Variants in SGCD observed in about 807,000 individuals in gnomAD.
SGCD encodes delta-sarcoglycan.
Under a neutral mutation model 36.6 loss-of-function variants are expected in SGCD, and 18 were observed. That is an observed-to-expected ratio of 0.49 (90% confidence interval 0.34 to 0.73). The LOEUF is 0.73. Ranked by LOEUF, SGCD falls within the 30% of genes least tolerant of loss-of-function variation. The pLI, the probability that SGCD is intolerant of heterozygous loss-of-function variation, is 0.01. For missense variants in SGCD, 387 were observed against 346.7 expected, an observed-to-expected ratio of 1.12 and a Z score of -0.92; for synonymous variants, 133 against 130.6, an observed-to-expected ratio of 1.02 and a Z score of -0.12.
intron 3 of SGCD, among the ~76,000 whole-genome samples, chr5:156,366,740 G>A (rs1401332110): frequency 1.3e-5 from 2 of 152,124 alleles, no homozygotes; most frequent in Non-Finnish European, 2.9e-5. Context: ...TTGAAAGCCA[G>A]ACAAAGTGAA....
At chr5:156,281,065 A>G (rs1351433789) in intron 3 of SGCD, among the ~76,000 whole-genome samples, 1 of 152,212 alleles carries the variant, frequency 6.6e-6, no homozygotes, top group Non-Finnish European at 1.5e-5. Context: ...GTGTACATAC[A>G]GAATTCGAGG....
intron 7 of SGCD, among the ~76,000 whole-genome samples, chr5:156,667,541 A>T (rs1753103195): frequency 6.6e-6 from 1 of 152,190 alleles, no homozygotes; most frequent in South Asian, 2.1e-4. Context: ...ATTACAGGAG[A>T]AGTAGAAAAC....
At chr5:156,132,757 C>T (rs545377475) in intron 3 of SGCD, among the ~76,000 whole-genome samples, 2 of 152,066 alleles carry the variant, frequency 1.3e-5, no homozygotes, top group East Asian at 1.9e-4. Flanking sequence ...CGTGAGCCAC[C>T]GCGCCCGGCC....
intron 1 of SGCD, among the ~76,000 whole-genome samples, chr5:156,051,818 A>G (rs1244491169): frequency 1.4e-5 from 2 of 145,972 alleles, no homozygotes; most frequent in East Asian, 3.9e-4. Context: ...GAAGGAGCCA[A>G]CCCTGTCTGT....
intron 1 of SGCD, among the ~76,000 whole-genome samples, chr5:156,016,778 A>G (rs968035439): frequency 6.6e-6 from 1 of 152,122 alleles, no homozygotes; most frequent in African/African-American, 2.4e-5. Flanking sequence ...TATGTACCAT[A>G]GCTTGTTCAA....
intron 1 of SGCD, among the ~76,000 whole-genome samples, chr5:155,934,725 A>T (rs1017531809): frequency 4.6e-5 from 7 of 152,274 alleles, no homozygotes; most frequent in Middle Eastern, 3.4e-3. Flanking sequence ...ATGATTTAGG[A>T]TGTCATAGCC....
intron 1 of SGCD, among the ~76,000 whole-genome samples, chr5:156,079,219 T>A (rs1428619781): frequency 6.6e-6 from 1 of 152,032 alleles, no homozygotes; most frequent in African/African-American, 2.4e-5. Flanking sequence ...TATTCACTGT[T>A]GTGAGGACAG....
At chr5:156,295,887 A>T (rs1766879897) in intron 3 of SGCD, among the ~76,000 whole-genome samples, 1 of 152,216 alleles carries the variant, frequency 6.6e-6, no homozygotes, top group Non-Finnish European at 1.5e-5. Context: ...GCAACTCAAC[A>T]AATCACATAA....
the SGCD span, among the ~76,000 whole-genome samples, chr5:155,802,345 C>T: frequency 6.6e-6 from 1 of 152,184 alleles, no homozygotes; most frequent in Non-Finnish European, 1.5e-5. Flanking sequence ...TGGCTCCAGT[C>T]TTCCTCCATA....
chr5:156,011,397 C>G (rs1758857635), intron 1 of SGCD, among the ~76,000 whole-genome samples: 3 of 151,550 alleles, frequency 2.0e-5, no homozygotes, highest in Admixed American at 1.3e-4. Flanking sequence ...GTTGGGTTTT[C>G]TAGACTTGGT....
At position 156,126,615 on chromosome 5, in the gene SGCD, C is replaced by T. The variant is rs560223037; in HGVS notation, c.-44+2596C>T. 2.0e-5 allele frequency among the ~76,000 whole-genome samples: 3 copies of T among 152,270 alleles called. No individual in the cohort carries two copies. In the East Asian group the frequency reaches 5.8e-4, roughly 29 times the overall value. ...TCCAGGGAAGAAGAAGGAAATGAGGCAGTGTTGGTACTATCAATCTGCCTA... is the reference window on the plus strand; with the variant it reads ...TCCAGGGAAGAAGAAGGAAATGAGGTAGTGTTGGTACTATCAATCTGCCTA... On this transcript the variant is annotated intron_variant, in intron 3 of 9. Transcript: ENST00000517913.
intron 3 of SGCD, among the ~76,000 whole-genome samples, chr5:156,368,633 C>T (rs997381626): frequency 6.6e-5 from 10 of 151,936 alleles, no homozygotes; most frequent in Non-Finnish European, 1.5e-4. Flanking sequence ...AGCCACTCTC[C>T]ATCACTTGCA....
At chr5:156,104,519 C>G (rs1433809493) in intron 1 of SGCD, among the ~76,000 whole-genome samples, 2 of 152,126 alleles carry the variant, frequency 1.3e-5, no homozygotes, top group East Asian at 3.9e-4. Flanking sequence ...TTCTCTTATT[C>G]TGGATTTAGG....
At chr5:155,812,398 C>T in the SGCD span, among the ~76,000 whole-genome samples, 4 of 152,130 alleles carry the variant, frequency 2.6e-5, no homozygotes, top group African/African-American at 7.2e-5. Context: ...CTCGTTCTGG[C>T]GGTCCAACCT....
At chr5:156,633,343 G>A (rs1168137303) in intron 6 of SGCD, among the ~76,000 whole-genome samples, 2 of 152,212 alleles carry the variant, frequency 1.3e-5, no homozygotes, top group Admixed American at 6.5e-5. Context: ...TAACAGAAAA[G>A]CAGTTGTGAG....
chr5:156,423,184 A>AATATTTTAT (rs1773411321), intron 3 of SGCD, among the ~76,000 whole-genome samples: 4 of 77,394 alleles, frequency 5.2e-5, no homozygotes, highest in African/African-American at 1.6e-4. Context: ...ATAATTAATT[A>AATATTTTAT]TATAATATAA....
chr5:156,105,716 G>A (rs1389426378), intron 1 of SGCD, among the ~76,000 whole-genome samples: 1 of 151,988 alleles, frequency 6.6e-6, no homozygotes, highest in African/African-American at 2.4e-5. Context: ...TTGTTTTTCT[G>A]GTTTCTCCGT....
chr5:156,362,804 A>C (rs570920282), intron 3 of SGCD, among the ~76,000 whole-genome samples: 35 of 152,322 alleles, frequency 2.3e-4, no homozygotes, highest in East Asian at 1.9e-3. Flanking sequence ...GAGTCACAGC[A>C]ACCTTCAAAC....
chr5:156,603,107 A>C (rs73299150), intron 6 of SGCD, among the ~76,000 whole-genome samples: 7,947 of 152,104 alleles, frequency 0.052, 691 homozygotes, highest in African/African-American at 0.18. Context: ...ATTACTGATT[A>C]AATTTCTTTG....
Sources: allele counts gnomAD v4.1 joint callset (sites outside exome capture counted in the v4.1 genomes callset), GRCh38; gene constraint gnomAD v4.1.1; transcripts MANE v1.5; gene names NCBI Gene and HGNC (gene_info 2026-07-23, HGNC 2026-07-21).